EYS: variants seen among roughly 807,000 people sequenced by gnomAD.
EYS encodes the protein EGF-like photoreceptor maintenance factor.
In EYS, 250 loss-of-function variants were observed where a neutral mutation model predicts 282.1. The ratio of observed to expected loss-of-function variants is 0.89; its 90% CI spans 0.80 to 0.98. The LOEUF (loss-of-function observed/expected upper bound fraction) is 0.98, where lower values mean the gene tolerates loss of function less well. Ranked by LOEUF, EYS falls within the 50% of genes least tolerant of loss-of-function variation. EYS has a pLI of 0.00. For missense variants in EYS, 4,016 were observed against 3,709.0 expected, an observed-to-expected ratio of 1.08 and a Z score of -2.15; for synonymous variants, 1,355 against 1,282.9, an observed-to-expected ratio of 1.06 and a Z score of -1.20.
Position 64,295,518 on chromosome 6 carries a change from A to AAAGAAGAAAG in EYS, c.6191+11442_6191+11451dup, listed in dbSNP as rs1230508325. Among the ~76,000 whole-genome samples the AAAGAAGAAAG allele has an allele frequency of 7.2e-3, 258 of 35,858 alleles. 99 individuals are homozygous for AAAGAAGAAAG. Among genetic ancestry groups the AAAGAAGAAAG allele is most frequent in the African/African-American group, 0.013 (62 of 4,918 alleles). 23.5% of individuals were successfully genotyped at this position (35,858 alleles called of 152,430 possible). A position where few individuals can be genotyped will look rare whatever the true frequency, so the allele number is the denominator to read the frequency against. On this transcript the variant is annotated intron_variant, in intron 30 of 42. Coordinates refer to ENST00000503581, the MANE Select transcript of EYS (RefSeq NM_001142800.2). ...GAAGAAAGAAGAAAGAAGAAAGAAG[A>AAAGAAGAAAG]AAGAAGAAAGAAGAAGAAAGAAGAA...
chr6:64,108,575 C>A (rs976268200), intron 31 of EYS, among the ~76,000 whole-genome samples: 1 of 130,000 alleles, frequency 7.7e-6, no homozygotes, highest in East Asian at 2.3e-4. Flanking sequence ...AAGCAATTTT[C>A]TGAATGTTGC....
At chr6:65,280,087 G>T (rs1768174783) in intron 12 of EYS, among the ~76,000 whole-genome samples, 1 of 152,098 alleles carries the variant, frequency 6.6e-6, no homozygotes, top group South Asian at 2.1e-4. Flanking sequence ...AAAAGAAGTA[G>T]ATTTATATTA....
At chr6:63,894,781 G>T (rs1422170633) in intron 35 of EYS, among the ~76,000 whole-genome samples, 1 of 151,848 alleles carries the variant, frequency 6.6e-6, no homozygotes, top group Non-Finnish European at 1.5e-5. Flanking sequence ...TAGAGATGGG[G>T]TTTCACCGTG....
intron 29 of EYS, among the ~76,000 whole-genome samples, chr6:64,358,963 AT>A (rs1276093808): frequency 6.6e-6 from 1 of 151,646 alleles, no homozygotes; most frequent in Non-Finnish European, 1.5e-5. Context: ...ACAATATCCT[AT>A]TTTTCCTATA....
intron 12 of EYS, among the ~76,000 whole-genome samples, chr6:65,137,552 A>G (rs1191848176): frequency 6.6e-6 from 1 of 152,136 alleles, no homozygotes; most frequent in East Asian, 1.9e-4. Context: ...TTTTGACTTC[A>G]GTATACAAAA....
At chr6:64,555,061 A>C (rs77153948) in intron 26 of EYS, among the ~76,000 whole-genome samples, 6,203 of 152,032 alleles carry the variant, frequency 0.041, 300 homozygotes, top group East Asian at 0.11. Context: ...AAAAAGATAT[A>C]CTTCCTTTCA....
chr6:64,577,178 A>T (rs1265039741), intron 26 of EYS, among the ~76,000 whole-genome samples: 2 of 152,104 alleles, frequency 1.3e-5, no homozygotes, highest in African/African-American at 4.8e-5. Context: ...TAGACTCCAG[A>T]ATTGTGAGAC....
chr6:65,033,786 A>T (rs1772680796), intron 13 of EYS, among the ~76,000 whole-genome samples: 1 of 152,186 alleles, frequency 6.6e-6, no homozygotes, highest in African/African-American at 2.4e-5. Flanking sequence ...TGGAGCCTTC[A>T]CACAGAGTCC....
intron 29 of EYS, among the ~76,000 whole-genome samples, chr6:64,375,467 T>G (rs1582669382): frequency 6.6e-6 from 1 of 152,376 alleles, no homozygotes; most frequent in East Asian, 1.9e-4. Context: ...TAACTATTTA[T>G]GCCTCTCGGC....
At position 63,817,199 on chromosome 6, in the gene EYS, A is replaced by G. The variant is rs1582237079; in HGVS notation, c.7229-10827T>C. 2.6e-5 allele frequency among the ~76,000 whole-genome samples: 4 copies of G among 152,304 alleles called. No individual in the cohort carries two copies. The South Asian group carries it at 8.3e-4, about 32-fold the overall frequency. ...ATGCTACTATTGTGCTTTTTTGCTT[A>G]TCAGCATCCACAAGAGATAGTCAAA... On this transcript the variant is annotated intron_variant, in intron 36 of 42. Transcript: ENST00000503581.
intron 19 of EYS, among the ~76,000 whole-genome samples, chr6:64,867,660 A>C (rs2150052078): frequency 6.6e-6 from 1 of 151,814 alleles, no homozygotes; most frequent in South Asian, 2.1e-4. Flanking sequence ...GTATTATTAT[A>C]GTATGTGGTC....
chr6:64,402,599 G>C (rs1202204157), intron 28 of EYS, among the ~76,000 whole-genome samples: 1 of 152,162 alleles, frequency 6.6e-6, no homozygotes, highest in East Asian at 1.9e-4. Context: ...TTTGCCCATG[G>C]GGCTTCCCAC....
intron 21 of EYS, chr6:64,815,366 A>G: frequency 4.3e-6 from 1 of 230,272 alleles, no homozygotes; most frequent in East Asian, 1.4e-4. Context: ...GTTTCTAGAT[A>G]TGTATAGAAT....
chr6:65,637,378 A>G (rs1214950002), intron 2 of EYS, among the ~76,000 whole-genome samples: 1 of 152,218 alleles, frequency 6.6e-6, no homozygotes, highest in South Asian at 2.1e-4. Context: ...GATGGAAGTG[A>G]CGACCAGTGT....
intron 26 of EYS, among the ~76,000 whole-genome samples, chr6:64,510,560 C>A (rs879738816): frequency 1.3e-5 from 2 of 151,974 alleles, no homozygotes; most frequent in African/African-American, 2.4e-5. Context: ...TCTAAAAAAT[C>A]AAAAATACCT....
At chr6:64,301,707 C>T (rs1399315655) in intron 30 of EYS, among the ~76,000 whole-genome samples, 2 of 152,140 alleles carry the variant, frequency 1.3e-5, no homozygotes, top group Admixed American at 6.5e-5. Context: ...AGACCTTGCC[C>T]TTCCTGCTGA....
intron 33 of EYS, among the ~76,000 whole-genome samples, chr6:64,021,399 C>T (rs1314971700): frequency 6.6e-6 from 1 of 151,618 alleles, no homozygotes; most frequent in African/African-American, 2.4e-5. Context: ...AATGAGGATG[C>T]TACTGACATC....
At chr6:64,425,151 G>A (rs1001847005) in intron 28 of EYS, among the ~76,000 whole-genome samples, 7 of 152,168 alleles carry the variant, frequency 4.6e-5, no homozygotes, top group South Asian at 2.1e-4. Context: ...GGGTGAGGTC[G>A]AGGAACACAG....
intron 11 of EYS, among the ~76,000 whole-genome samples, chr6:65,316,481 T>TA (rs1769298175): frequency 6.7e-6 from 1 of 150,118 alleles, no homozygotes; most frequent in Admixed American, 6.7e-5. Context: ...GTCAACTTTT[T>TA]AAAAAAATTA....
Sources: gnomAD v4.1 joint callset for allele counts (sites outside exome capture counted in the v4.1 genomes callset) on GRCh38, gnomAD v4.1.1 for gene constraint, MANE v1.5 for transcripts, NCBI Gene and HGNC (gene_info 2026-07-23, HGNC 2026-07-21) for gene names.